The following SNAPC3 variants were observed in gnomAD, a reference collection of about 807,000 sequenced individuals.
SNAPC3 encodes the protein snRNA-activating protein complex subunit 3.
In SNAPC3, 56 loss-of-function variants were observed where a neutral mutation model predicts 47.7. The ratio of observed to expected loss-of-function variants is 1.18; its 90% confidence interval spans 0.95 to 1.47. SNAPC3 has a LOEUF of 1.47. Among genes scored for constraint, SNAPC3 ranks in the 40% most tolerant of loss-of-function variants. The pLI, the probability that SNAPC3 is intolerant of heterozygous loss-of-function variation, is 0.00. For missense variants in SNAPC3, 665 were observed against 511.3 expected, an observed-to-expected ratio of 1.30 and a Z score of -2.90; for synonymous variants, 235 against 189.9, an observed-to-expected ratio of 1.24 and a Z score of -1.95.
At chr9:15,445,711 G>A (rs2033876345) in intron 4 of SNAPC3, among the ~76,000 whole-genome samples, 1 of 152,178 alleles carries the variant, frequency 6.6e-6, no homozygotes, top group African/African-American at 2.4e-5. Context: ...ACCTTTGGAA[G>A]GCTGAGGTGG....
At chr9:15,454,990 T>C (rs1461106152) in intron 7 of SNAPC3, among the ~76,000 whole-genome samples, 1 of 152,070 alleles carries the variant, frequency 6.6e-6, no homozygotes, top group African/African-American at 2.4e-5. Flanking sequence ...ATTAATAGAT[T>C]AATAGCTACA....
intron 6 of SNAPC3, 100 bp downstream of exon 6, chr9:15,451,502 C>A: frequency 4.0e-6 from 2 of 503,166 alleles, no homozygotes; most frequent in Non-Finnish European, 7.0e-6. Context: ...AGGACCTTTG[C>A]CAAGGAATTA....
At chr9:15,434,409 C>CT (rs575328490) in intron 3 of SNAPC3, among the ~76,000 whole-genome samples, 12,780 of 135,364 alleles carry the variant, frequency 0.094, 660 homozygotes, top group African/African-American at 0.11. Flanking sequence ...TTCTGTATGG[C>CT]TTTTTTTTTT....
rs531743522 is a variant in SNAPC3 at position 15,442,888 on chromosome 9, A to G, written c.478-1714A>G. 6.6e-5 allele frequency among the ~76,000 whole-genome samples: 10 copies of G among 152,360 alleles called. No homozygotes were observed. In the East Asian group the frequency reaches 1.7e-3, roughly 26 times the overall value. On this transcript the variant is annotated intron_variant, in intron 3 of 8. Coordinates refer to ENST00000380821, the MANE Select transcript of SNAPC3 (RefSeq NM_001039697.2). Reference sequence around the variant, plus strand: ...CACTCCAGCCTGGGCAACATTGAGCACTGAGTGAAGGAGACTCCGTCTGCA... The same window carrying G: ...CACTCCAGCCTGGGCAACATTGAGCGCTGAGTGAAGGAGACTCCGTCTGCA...
intron 2 of SNAPC3, among the ~76,000 whole-genome samples, chr9:15,430,188 G>C (rs10756663): frequency 2.0e-5 from 3 of 152,326 alleles, no homozygotes; most frequent in African/African-American, 7.2e-5. Context: ...CTCAACACTT[G>C]GGGAGGCCAA....
chr9:15,464,407 C>T (rs1031296467), downstream of SNAPC3: 1 of 196,800 alleles, frequency 5.1e-6, no homozygotes. Context: ...TTCAAAATAT[C>T]TTAGAAATGC....
In SNAPC3 at chr9:15,447,228, C is replaced by T; in HGVS notation, c.716C>T (p.Pro239Leu). Residue 239 changes from proline to leucine, a missense_variant, in exon 5 of 9, where the codon CCT becomes CTT. Transcript: ENST00000380821. The part of the protein sequence containing the change: ...GEFSNTPDQA[P>L]EHISKDLYKS... ...TTCAGCAACACTCCTGACCAAGCCC[C>T]TGAGCACATCAGCAAAGTAAGGTGA... 6.2e-7 allele frequency: 1 copy of T among 1,614,070 alleles called. No homozygotes were observed. Among genetic ancestry groups the T allele is most frequent in the South Asian group, 1.1e-5 (1 of 91,070 alleles).
intron 2 of SNAPC3, among the ~76,000 whole-genome samples, chr9:15,424,430 A>G (rs971377186): frequency 6.6e-6 from 1 of 152,228 alleles, no homozygotes; most frequent in Non-Finnish European, 1.5e-5. Context: ...TTTTCAAACT[A>G]TTTGTGGTAA....
At chr9:15,444,918 C>T (rs1052558821) in intron 4 of SNAPC3, among the ~76,000 whole-genome samples, 1 of 152,106 alleles carries the variant, frequency 6.6e-6, no homozygotes, top group Non-Finnish European at 1.5e-5. Flanking sequence ...ACAGTGAGAC[C>T]TTGTCTCTAC....
intron 2 of SNAPC3, 23 bp downstream of exon 2, chr9:15,424,009 G>A: frequency 7.3e-7 from 1 of 1,364,300 alleles, no homozygotes. Flanking sequence ...TGGTTTTTAT[G>A]ACCTATTTAT....
At chr9:15,459,339 T>G (rs572472463) in intron 8 of SNAPC3, among the ~76,000 whole-genome samples, 38 of 152,350 alleles carry the variant, frequency 2.5e-4, no homozygotes, top group African/African-American at 8.9e-4. Context: ...TCTATCAGAT[T>G]TGTAGCATCT....
At chr9:15,459,234 T>A (rs374243700) in intron 8 of SNAPC3, among the ~76,000 whole-genome samples, 2 of 152,236 alleles carry the variant, frequency 1.3e-5, no homozygotes, top group African/African-American at 4.8e-5. Flanking sequence ...GTATATACTT[T>A]ATAACATAAT....
chr9:15,433,424 A>T lies in SNAPC3; in HGVS notation c.393-128A>T. The T allele has an allele frequency of 5.9e-6, 4 of 682,556 alleles. No individual in the cohort carries two copies. The South Asian group carries it at 6.6e-5, about 11-fold the overall frequency. 42.3% of individuals were successfully genotyped at this position (682,556 alleles called of 1,614,324 possible). A position where few individuals can be genotyped will look rare whatever the true frequency, so the allele number is the denominator to read the frequency against. On this transcript the variant is annotated intron_variant, in intron 2 of 8. Transcript: ENST00000380821. ...GGAAGCTGAACAAGAGATAGAAGGG[A>T]ACTTTTTCCTGCTTTTGCTACTTAA...
intron 2 of SNAPC3, among the ~76,000 whole-genome samples, chr9:15,429,476 T>G (rs894954078): frequency 7.2e-5 from 11 of 151,950 alleles, no homozygotes; most frequent in Non-Finnish European, 1.3e-4. Flanking sequence ...GCAACTAAAA[T>G]GATGGAAGGA....
At chr9:15,424,164 T>C (rs1276559153) in intron 2 of SNAPC3, among the ~76,000 whole-genome samples, 178 bp downstream of exon 2, 2 of 152,236 alleles carry the variant, frequency 1.3e-5, no homozygotes, top group South Asian at 4.1e-4. Flanking sequence ...GCTGTGTGTT[T>C]TTTCATTTTG....
At chr9:15,427,237 A>G (rs550259488) in intron 2 of SNAPC3, among the ~76,000 whole-genome samples, 2 of 152,108 alleles carry the variant, frequency 1.3e-5, no homozygotes, top group Admixed American at 6.6e-5. Context: ...TTTTTTGACT[A>G]CTTAGTTGGT....
At chr9:15,444,324 T>C (rs918278088) in intron 3 of SNAPC3, among the ~76,000 whole-genome samples, 3 of 152,224 alleles carry the variant, frequency 2.0e-5, no homozygotes, top group South Asian at 2.1e-4. Flanking sequence ...GATACTCCTG[T>C]TTGCTCATCA....
intron 3 of SNAPC3, among the ~76,000 whole-genome samples, chr9:15,443,753 C>T (rs1445246698): frequency 6.6e-6 from 1 of 152,204 alleles, no homozygotes; most frequent in African/African-American, 2.4e-5. Context: ...GTCCCCACTG[C>T]CTGCCTTGGC....
intron 3 of SNAPC3, among the ~76,000 whole-genome samples, chr9:15,444,353 C>G (rs532058531): frequency 6.6e-6 from 1 of 152,358 alleles, no homozygotes; most frequent in East Asian, 1.9e-4. Flanking sequence ...GTACTCAGTA[C>G]CACACATCTT....
Sources: allele counts gnomAD v4.1 joint callset (sites outside exome capture counted in the v4.1 genomes callset), GRCh38; gene constraint gnomAD v4.1.1; transcripts MANE v1.5; gene names NCBI Gene and HGNC (gene_info 2026-07-23, HGNC 2026-07-21).